The following NCK1 variants were observed in gnomAD, a reference collection of about 807,000 sequenced individuals.
NCK1 encodes the protein SH2/SH3 adapter protein NCK1.
In NCK1, 19 loss-of-function variants were observed where a neutral mutation model predicts 36.6. The ratio of observed to expected loss-of-function variants is 0.52; its 90% CI spans 0.36 to 0.76. The LOEUF is 0.76. NCK1 is among the 30% of genes least tolerant of loss of function. The pLI is 0.00. For missense variants in NCK1, 358 were observed against 445.6 expected (o/e 0.80, Z 1.77); for synonymous variants, 165 against 156.0 (o/e 1.06, Z -0.43).
At chr3:136,938,167 G>A (rs1393599246) in intron 2 of NCK1, among the ~76,000 whole-genome samples, 2 of 152,052 alleles carry the variant, frequency 1.3e-5, no homozygotes, top group Admixed American at 6.6e-5. Context: ...ATAGTCATTT[G>A]TTTTTTCCCC....
intron 1 of NCK1, among the ~76,000 whole-genome samples, chr3:136,909,572 T>C (rs1273617816): frequency 1.3e-5 from 2 of 152,134 alleles, no homozygotes; most frequent in African/African-American, 4.8e-5. Flanking sequence ...AGAATATGAT[T>C]TGTGTTGTTG....
At position 136,950,471 on chromosome 3, in the gene NCK1, A is replaced by G. The variant is rs1940944485; in HGVS notation, c.*2018A>G. Among the ~76,000 whole-genome samples the G allele has an allele frequency of 6.6e-6, 1 of 152,146 alleles. No homozygotes were observed. Among genetic ancestry groups the G allele is most frequent in the Non-Finnish European group, 1.5e-5 (1 of 67,984 alleles). Reference sequence around the variant, plus strand: ...TAACCCATGTGTGCTAGTAATATCTATTGTGTGCTCTTACTATGGTATAAA... The same window carrying G: ...TAACCCATGTGTGCTAGTAATATCTGTTGTGTGCTCTTACTATGGTATAAA... On this transcript the variant is annotated 3_prime_UTR_variant, in exon 4 of 4. Coordinates refer to ENST00000481752, the MANE Select transcript of NCK1 (RefSeq NM_001291999.2).
chr3:136,924,160 A>G (rs185148271), intron 1 of NCK1, among the ~76,000 whole-genome samples: 216 of 152,344 alleles, frequency 1.4e-3, no homozygotes, highest in African/African-American at 4.9e-3. Context: ...ATTCAGTCTT[A>G]ACATCACAGA....
intron 1 of NCK1, among the ~76,000 whole-genome samples, chr3:136,895,689 C>G: frequency 6.6e-6 from 1 of 152,128 alleles, no homozygotes; most frequent in East Asian, 1.9e-4. Context: ...CACAGCCTCC[C>G]GGGTAGCTGG....
At chr3:136,882,745 C>G (rs1187513215) in intron 1 of NCK1, among the ~76,000 whole-genome samples, 1 of 152,168 alleles carries the variant, frequency 6.6e-6, no homozygotes, top group Non-Finnish European at 1.5e-5. Context: ...GCATATATCA[C>G]TTTTACCCAT....
intron 1 of NCK1, among the ~76,000 whole-genome samples, chr3:136,870,540 T>G (rs891717764): frequency 6.6e-6 from 1 of 152,302 alleles, no homozygotes; most frequent in Admixed American, 6.5e-5. Context: ...CTTGATCATT[T>G]GCAAGTACTA....
intron 1 of NCK1, among the ~76,000 whole-genome samples, chr3:136,909,866 A>G (rs1226099438): frequency 6.6e-6 from 1 of 152,064 alleles, no homozygotes; most frequent in East Asian, 1.9e-4. Flanking sequence ...TTTATAGTCT[A>G]TGTTGTCTGA....
chr3:136,873,438 T>C (rs527277535), intron 1 of NCK1, among the ~76,000 whole-genome samples: 83 of 152,334 alleles, frequency 5.4e-4, no homozygotes, highest in African/African-American at 1.8e-3. Flanking sequence ...ACCTTGCTTT[T>C]GATTTTACAG....
At chr3:136,926,271 A>G (rs1025823481) in intron 1 of NCK1, among the ~76,000 whole-genome samples, 2 of 150,622 alleles carry the variant, frequency 1.3e-5, no homozygotes, top group Non-Finnish European at 3.0e-5. Flanking sequence ...AAATTTTATT[A>G]TTATTATTAT....
At chr3:136,869,098 A>G (rs1029116604) in intron 1 of NCK1, among the ~76,000 whole-genome samples, 5 of 151,360 alleles carry the variant, frequency 3.3e-5, no homozygotes, top group Non-Finnish European at 5.9e-5. Context: ...AAATGAGCCC[A>G]CTGTGGTGGT....
intron 1 of NCK1, among the ~76,000 whole-genome samples, chr3:136,902,195 T>G (rs945324177): frequency 2.0e-5 from 2 of 100,654 alleles, no homozygotes; most frequent in African/African-American, 3.4e-5. Context: ...TTTTTTTTTT[T>G]TTTTTTTGTT....
At chr3:136,881,597 A>G (rs558731975) in intron 1 of NCK1, among the ~76,000 whole-genome samples, 2 of 152,320 alleles carry the variant, frequency 1.3e-5, no homozygotes, top group African/African-American at 4.8e-5. Context: ...AGTATTAAGT[A>G]TATTCACATT....
chr3:136,874,284 T>A (rs1370006748), intron 1 of NCK1, among the ~76,000 whole-genome samples: 2 of 152,218 alleles, frequency 1.3e-5, no homozygotes, highest in African/African-American at 2.4e-5. Context: ...CAAGTGATTG[T>A]CCTGCCTCAG....
intron 1 of NCK1, among the ~76,000 whole-genome samples, chr3:136,879,667 A>G (rs1375546803): frequency 6.6e-6 from 1 of 152,186 alleles, no homozygotes; most frequent in Non-Finnish European, 1.5e-5. Flanking sequence ...ACACCATGGA[A>G]TACTATGCAG....
chr3:136,914,589 A>G (rs982426826), intron 1 of NCK1, among the ~76,000 whole-genome samples: 4 of 152,338 alleles, frequency 2.6e-5, no homozygotes, highest in African/African-American at 9.6e-5. Context: ...ATTATAACTC[A>G]AAGAAAATCC....
intron 1 of NCK1, among the ~76,000 whole-genome samples, chr3:136,927,324 G>C (rs532426815): frequency 1.3e-5 from 2 of 152,286 alleles, no homozygotes; most frequent in African/African-American, 4.8e-5. Flanking sequence ...ATTGTCCTCT[G>C]TGGTAATGGG....
chr3:136,863,049 G>A (rs987498016), intron 1 of NCK1, among the ~76,000 whole-genome samples: 1 of 136,914 alleles, frequency 7.3e-6, no homozygotes. Context: ...AGTTAAATTC[G>A]CCGTTAGAAG....
intron 1 of NCK1, among the ~76,000 whole-genome samples, chr3:136,926,814 C>T (rs779298865): frequency 5.9e-5 from 9 of 152,078 alleles, no homozygotes; most frequent in Non-Finnish European, 1.0e-4. Flanking sequence ...ATATCAGTTA[C>T]GTGAACATTG....
rs193244734 is a variant in NCK1 at position 136,942,741 on chromosome 3, T to A, written c.227-2842T>A. Among the ~76,000 whole-genome samples the A allele has an allele frequency of 7.9e-5, 12 of 152,306 alleles. No individual in the cohort carries two copies. The East Asian group carries it at 1.7e-3, about 22-fold the overall frequency. On this transcript the variant is annotated intron_variant, in intron 2 of 3. Coordinates refer to ENST00000481752, the MANE Select transcript of NCK1 (RefSeq NM_001291999.2). ...CCCTTATTACCCCATGTATATTCTT[T>A]CCCATCCCCTTTCTGTCCAGGCTTT...
Sources: gnomAD v4.1 joint callset for allele counts (sites outside exome capture counted in the v4.1 genomes callset) on GRCh38, gnomAD v4.1.1 for gene constraint, MANE v1.5 for transcripts, NCBI Gene and HGNC (gene_info 2026-07-23, HGNC 2026-07-21) for gene names.